Variants in TDRD3 observed in about 807,000 individuals in gnomAD.
The protein encoded by TDRD3 is tudor domain containing 3.
In TDRD3, 45 loss-of-function variants were observed where a neutral mutation model predicts 86.7. That is an observed-to-expected ratio of 0.52 (90% CI 0.41 to 0.67). The LOEUF is 0.67. Among genes scored for constraint, TDRD3 ranks in the 30% least tolerant of loss-of-function variants. The probability of loss-of-function intolerance (pLI) is 0.00; values close to 1 mark genes in which losing one functional copy is unlikely to be tolerated. For missense variants in TDRD3, 814 were observed against 889.0 expected, an observed-to-expected ratio of 0.92 and a Z score of 1.07; for synonymous variants, 298 against 301.7, an observed-to-expected ratio of 0.99 and a Z score of 0.13.
chr13:60,474,489 T>C (rs1161713492), intron 5 of TDRD3, among the ~76,000 whole-genome samples: 1 of 152,246 alleles, frequency 6.6e-6, no homozygotes, highest in African/African-American at 2.4e-5. Flanking sequence ...GGCTGGGCCC[T>C]ATACTATATG....
chr13:60,427,285 G>A (rs560201227), intron 1 of TDRD3, among the ~76,000 whole-genome samples: 4 of 152,030 alleles, frequency 2.6e-5, no homozygotes, highest in South Asian at 4.1e-4. Context: ...CCATTTTTTC[G>A]TTCTTTGTAT....
At chr13:60,571,631 G>A (rs1017791323) in intron 13 of TDRD3, among the ~76,000 whole-genome samples, 2 of 152,188 alleles carry the variant, frequency 1.3e-5, no homozygotes, top group Non-Finnish European at 2.9e-5. Context: ...TTCAGTAAGT[G>A]TTTATTAAAT....
At chr13:60,561,010 A>G (rs964460812) in intron 12 of TDRD3, among the ~76,000 whole-genome samples, 1 of 152,192 alleles carries the variant, frequency 6.6e-6, no homozygotes, top group Admixed American at 6.5e-5. Context: ...AAAAGAGATT[A>G]TCTTAGAGCT....
chr13:60,398,443 G>A (rs1281744990), intron 1 of TDRD3, among the ~76,000 whole-genome samples: 1 of 152,194 alleles, frequency 6.6e-6, no homozygotes, highest in Non-Finnish European at 1.5e-5. Context: ...CAGAGCTGCT[G>A]GAGATGACAC....
chr13:60,405,975 G>A (rs916911253), intron 1 of TDRD3, among the ~76,000 whole-genome samples: 3 of 152,150 alleles, frequency 2.0e-5, no homozygotes, highest in Non-Finnish European at 4.4e-5. Flanking sequence ...AGTTGTTAAA[G>A]GCTTGATTTC....
At position 60,528,657 on chromosome 13, in the gene TDRD3, G is replaced by T. The variant is rs748340309; in HGVS notation, c.1432G>T (p.Asp478Tyr). 6.2e-7 allele frequency: 1 copy of T among 1,613,876 alleles called. No homozygotes were observed. The highest frequency in any genetic ancestry group is 1.7e-5 in the Admixed American group (1 of 59,996). Residue 478 changes from aspartate (D) to tyrosine (Y), a missense_variant, in exon 11 of 14, where the codon GAC becomes TAC. By Grantham distance (160) the Asp-to-Tyr change is radical. Coordinates refer to ENST00000377881, the MANE Select transcript of TDRD3 (RefSeq NM_001146070.2). The stretch of plus-strand genomic sequence containing the variant: ...ATGTGATAGACCGTATTCTAGATAT[G>T]ACAGAACTAAAGATACTTCATATCC... ...IKCDRPYSRY[D>Y]RTKDTSYPLG... is the part of the protein sequence containing the mutation.
chr13:60,542,311 T>C (rs1957836132), intron 12 of TDRD3, among the ~76,000 whole-genome samples: 1 of 152,196 alleles, frequency 6.6e-6, no homozygotes, highest in South Asian at 2.1e-4. Context: ...AATAAGTGGA[T>C]CTGAAGGATA....
At chr13:60,411,483 A>C (rs1165235897) in intron 1 of TDRD3, among the ~76,000 whole-genome samples, 2 of 152,234 alleles carry the variant, frequency 1.3e-5, no homozygotes, top group South Asian at 4.1e-4. Flanking sequence ...AGCAGATTAA[A>C]TACGAAACTG....
intron 1 of TDRD3, among the ~76,000 whole-genome samples, chr13:60,426,846 A>T (rs989591432): frequency 2.0e-5 from 3 of 152,210 alleles, no homozygotes; most frequent in African/African-American, 7.2e-5. Context: ...CACTGTGGGA[A>T]CGTCACAGAG....
At position 60,573,017 on chromosome 13, in the gene TDRD3, C is replaced by CGTGCT. The variant is rs1260150891; in HGVS notation, c.*10-599_*10-598insGTGCT. On this transcript the variant is annotated intron_variant, in intron 13 of 13. Transcript: ENST00000377881. ...TTTGTATGCAGCCGCAGGAACTCCA[C>CGTGCT]TAGTCCCTGCCTAAGCACGCTGTCA... Among the ~76,000 whole-genome samples the CGTGCT allele has an allele frequency of 3.3e-5, 5 of 152,320 alleles. No individual in the cohort carries two copies. The East Asian group carries it at 9.6e-4, about 29-fold the overall frequency.
chr13:60,455,818 A>G (rs916423898), intron 3 of TDRD3, among the ~76,000 whole-genome samples: 14 of 152,148 alleles, frequency 9.2e-5, no homozygotes, highest in Non-Finnish European at 1.8e-4. Flanking sequence ...CTGTAATCCC[A>G]GCACTTTAGA....
chr13:60,429,721 T>TA (rs1954906049), intron 1 of TDRD3, among the ~76,000 whole-genome samples: 1 of 152,142 alleles, frequency 6.6e-6, no homozygotes, highest in African/African-American at 2.4e-5. Flanking sequence ...CTGCTAGAAA[T>TA]ATGTAGTTAG....
In TDRD3 at chr13:60,444,734, G is replaced by A. The variant is rs1220753042; in HGVS notation, c.178G>A (p.Gly60Arg). Residue 60 changes from glycine (G) to arginine (R), a missense_variant, in exon 3 of 14, where the codon GGA becomes AGA. Physicochemically the swap from Gly to Arg is moderately radical, Grantham distance 125. Transcript: ENST00000377881. The stretch of plus-strand genomic sequence containing the variant: ...ATTCCTCCCCAGTGACATCAATAGT[G>A]GAAAGGTAGAAAAGGTAAAGAAAAT... ...KKFLPSDINS[G>R]KVEKLEGPCV... is the part of the protein sequence containing the mutation. 6.7e-7 allele frequency: 1 copy of A among 1,484,404 alleles called. No homozygotes were observed. The allele number at this position is 1,484,404 out of a possible 1,614,324, so 92.0% of individuals were successfully genotyped here. A position where few individuals can be genotyped will look rare whatever the true frequency, so the allele number is the denominator to read the frequency against.
chr13:60,472,157 A>G (rs934208644), intron 5 of TDRD3, among the ~76,000 whole-genome samples: 2 of 152,138 alleles, frequency 1.3e-5, no homozygotes, highest in Admixed American at 6.6e-5. Context: ...CATTCTGTTA[A>G]TGCGTTACAT....
At chr13:60,484,256 C>G (rs1245814231) in intron 6 of TDRD3, among the ~76,000 whole-genome samples, 1 of 152,122 alleles carries the variant, frequency 6.6e-6, no homozygotes, top group African/African-American at 2.4e-5. Context: ...AGCAGCCCCC[C>G]TTCTGACCAG....
intron 3 of TDRD3, among the ~76,000 whole-genome samples, chr13:60,446,479 A>C (rs1955402090): frequency 6.6e-6 from 1 of 152,032 alleles, no homozygotes; most frequent in Non-Finnish European, 1.5e-5. Flanking sequence ...TGCCCACCTC[A>C]GCCTCCCAAA....
At chr13:60,432,715 G>A (rs1466253611) in intron 1 of TDRD3, among the ~76,000 whole-genome samples, 1 of 152,076 alleles carries the variant, frequency 6.6e-6, no homozygotes, top group African/African-American at 2.4e-5. Context: ...TTCCATATTT[G>A]CTAAGATCAA....
chr13:60,539,217 T>C (rs1288443081), intron 12 of TDRD3, among the ~76,000 whole-genome samples: 1 of 152,104 alleles, frequency 6.6e-6, no homozygotes, highest in East Asian at 1.9e-4. Flanking sequence ...ATCTAGTACA[T>C]CTCTTAGTTG....
At chr13:60,502,403 T>C (rs890705016) in intron 8 of TDRD3, among the ~76,000 whole-genome samples, 1 of 152,240 alleles carries the variant, frequency 6.6e-6, no homozygotes, top group East Asian at 1.9e-4. Context: ...ATAATTTTTC[T>C]CTCTCTAGTC....
Sources: gnomAD v4.1 joint callset for allele counts (sites outside exome capture counted in the v4.1 genomes callset) on GRCh38, gnomAD v4.1.1 for gene constraint, MANE v1.5 for transcripts, NCBI Gene and HGNC (gene_info 2026-07-23, HGNC 2026-07-21) for gene names.